The following TMEM204 variants were observed in gnomAD, a reference collection of about 807,000 sequenced individuals.
The protein encoded by TMEM204 is transmembrane protein 204.
TMEM204 carries 15 observed loss-of-function variants against 19.4 expected under a neutral mutation model. The observed-to-expected ratio is 0.77, with a 90% CI of 0.52 to 1.19. The LOEUF (loss-of-function observed/expected upper bound fraction) is 1.19. TMEM204 is among the 50% of genes most tolerant of loss of function. The pLI is 0.00. For synonymous variants in TMEM204, 161 were observed against 146.0 expected (o/e 1.10, Z -0.74); for missense variants, 287 against 321.2 (o/e 0.89, Z 0.81).
chr16:1,541,039 C>T (rs1282732532), intron 1 of TMEM204: 8 of 985,394 alleles, frequency 8.1e-6, no homozygotes, highest in Non-Finnish European at 9.6e-6. Context: ...GCTACAGAAA[C>T]GTGACGAGCC....
In TMEM204 at chr16:1,551,545, C is replaced by T. The variant is rs1041717915; in HGVS notation, c.437-3237C>T. Among the ~76,000 whole-genome samples, 5 of 152,144 alleles carry T rather than the reference C, an allele frequency of 3.3e-5. No individual in the cohort carries two copies. The highest frequency in any genetic ancestry group is 1.2e-4 in the African/African-American group (5 of 41,410). The stretch of plus-strand genomic sequence containing the variant: ...GGGGAGACAGGATGTGAGTTTCATA[C>T]AGATCAGGGTGCAGCGGTGGAGGGA... On this transcript the variant is annotated intron_variant, in intron 2 of 2. Coordinates refer to ENST00000566264, the MANE Select transcript of TMEM204 (RefSeq NM_024600.6). This position sits in a 1 kb window ranked among gnomAD's most constrained non-coding sequence, Gnocchi z 4.0.
intron 1 of TMEM204, among the ~76,000 whole-genome samples, chr16:1,535,870 G>A (rs1235534883): frequency 2.6e-5 from 4 of 152,236 alleles, no homozygotes; most frequent in African/African-American, 7.2e-5. Flanking sequence ...AGCTTCCACC[G>A]GCTCTCAGAA....
At chr16:1,549,418 T>C (rs2032451632) in intron 2 of TMEM204, among the ~76,000 whole-genome samples, 1 of 152,160 alleles carries the variant, frequency 6.6e-6, no homozygotes, top group African/African-American at 2.4e-5. Context: ...GCACCCCAGG[T>C]GCTTTTCTTT....
At chr16:1,542,734 G>A (rs1403593006) in intron 2 of TMEM204, among the ~76,000 whole-genome samples, 1 of 152,254 alleles carries the variant, frequency 6.6e-6, no homozygotes, top group Admixed American at 6.5e-5. Context: ...CTCGGACACT[G>A]ATGCAGACGG....
At chr16:1,548,700 C>T (rs2032379136) in intron 2 of TMEM204, among the ~76,000 whole-genome samples, 2 of 152,212 alleles carry the variant, frequency 1.3e-5, no homozygotes, top group African/African-American at 2.4e-5. Flanking sequence ...TGTCTCCTTC[C>T]ACCCCTTCCC....
chr16:1,549,439 T>G (rs1236166020), intron 2 of TMEM204, among the ~76,000 whole-genome samples: 1 of 152,242 alleles, frequency 6.6e-6, no homozygotes, highest in African/African-American at 2.4e-5. Context: ...CTTTCTTTGT[T>G]TTTTGAGACT....
At chr16:1,545,589 G>A (rs2032102612) in intron 2 of TMEM204, among the ~76,000 whole-genome samples, 1 of 152,228 alleles carries the variant, frequency 6.6e-6, no homozygotes, top group Non-Finnish European at 1.5e-5. Flanking sequence ...CCTGTCACAG[G>A]ACAAGGAAAC....
At chr16:1,534,668 C>T in intron 1 of TMEM204, 113 bp downstream of exon 1, 1 of 1,482,482 alleles carries the variant, frequency 6.7e-7, no homozygotes, top group Non-Finnish European at 9.2e-7. Context: ...CCTGCTCTGC[C>T]CTGAGCGTGG....
rs749527191 is a variant in TMEM204 at position 1,534,282 on chromosome 16, G to A, written c.7G>A (p.Val3Met). 34 of 1,611,842 alleles carry A rather than the reference G, an allele frequency of 2.1e-5. No homozygotes were observed. Among genetic ancestry groups the A allele is most frequent in the Non-Finnish European group, 2.3e-5 (27 of 1,179,810 alleles). Residue 3 changes from valine (V) to methionine (M), a missense_variant, in exon 1 of 3, where the codon GTG becomes ATG. Transcript: ENST00000566264. ...GGCGGCACCGGCGTCAGCGATGACC[G>A]TGCAGAGACTCGTGGCCGCGGCCGT... MT[V>M]QRLVAAAVLV...
At chr16:1,540,889 A>G (rs1454135577) in intron 1 of TMEM204, 1 of 985,336 alleles carries the variant, frequency 1.0e-6, no homozygotes, top group Non-Finnish European at 1.2e-6. Context: ...CTTCACATGC[A>G]GTCCCTGACT....
Position 1,553,917 on chromosome 16 carries a change from CT to C in TMEM204, c.437-862del, listed in dbSNP as rs2032881500. 2 of 1,282,562 alleles carry C rather than the reference CT, an allele frequency of 1.6e-6. No individual in the cohort carries two copies. The highest frequency in any genetic ancestry group is 4.6e-5 in the Admixed American group (2 of 43,192). 79.4% of individuals were successfully genotyped at this position (1,282,562 alleles called of 1,614,324 possible). ...TTCCTGTTGTAAGAACTAAAAAGGT[CT>C]TTGGAGCTCCTCAAAGATAAAACTG... On this transcript the variant is annotated intron_variant, in intron 2 of 2. Transcript: ENST00000566264. This position sits in a 1 kb window ranked among gnomAD's most constrained non-coding sequence, Gnocchi z 4.4.
At chr16:1,539,868 G>A (rs778221008) in intron 1 of TMEM204, among the ~76,000 whole-genome samples, 5 of 152,276 alleles carry the variant, frequency 3.3e-5, no homozygotes, top group African/African-American at 9.6e-5. Context: ...CGGGGACCCC[G>A]TGCCCCAGGG....
At chr16:1,554,707 G>A in intron 2 of TMEM204, 75 bp from the exon 3 acceptor site, 1 of 1,580,518 alleles carries the variant, frequency 6.3e-7, no homozygotes, top group Non-Finnish European at 8.6e-7. Flanking sequence ...ACCTGCTCTA[G>A]GACAGAGGGC....
At chr16:1,542,777 C>G (rs1294788892) in intron 2 of TMEM204, among the ~76,000 whole-genome samples, 1 of 152,246 alleles carries the variant, frequency 6.6e-6, no homozygotes, top group Non-Finnish European at 1.5e-5. Context: ...CTTCCCCAAG[C>G]CGCCATGTGA....
rs368161601 is a variant in TMEM204 at position 1,554,844 on chromosome 16, T to C, written c.499T>C (p.Trp167Arg). ...AATTGGCCCATACACCAACCTGTCC[T>C]GGTCCTGCTACCTGAACATTGGCGC... ...YRIGPYTNLS[W>R]SCYLNIGACL... Residue 167 changes from tryptophan (W) to arginine (R), a missense_variant, in exon 3 of 3, where the codon TGG becomes CGG. Trp to Arg is a moderately radical substitution (Grantham distance 101). Transcript: ENST00000566264. 6.2e-7 allele frequency: 1 copy of C among 1,614,124 alleles called. No homozygotes were observed. The highest frequency in any genetic ancestry group is 1.3e-5 in the African/African-American group (1 of 74,956).
chr16:1,549,421 TTTTC>T (rs925546400), intron 2 of TMEM204, among the ~76,000 whole-genome samples: 18 of 152,196 alleles, frequency 1.2e-4, no homozygotes, highest in East Asian at 5.8e-4. Flanking sequence ...CCCCAGGTGC[TTTTC>T]TTTCTTTCTT....
chr16:1,536,020 T>A (rs1350192242), intron 1 of TMEM204, among the ~76,000 whole-genome samples: 1 of 152,244 alleles, frequency 6.6e-6, no homozygotes, highest in African/African-American at 2.4e-5. Flanking sequence ...GGGCAGCGGC[T>A]TTAGGCCCCT....
chr16:1,542,590 T>TGCCTGGGGTCA (rs1001852989), intron 2 of TMEM204, among the ~76,000 whole-genome samples: 2 of 152,198 alleles, frequency 1.3e-5, no homozygotes, highest in Admixed American at 6.5e-5. Flanking sequence ...TCCTAGGACC[T>TGCCTGGGGTCA]GCCTGGGGTC....
Position 1,553,768 on chromosome 16 carries a change from G to A in TMEM204, c.437-1014G>A, listed in dbSNP as rs942081434. 1 of 1,176,348 alleles carries A rather than the reference G, an allele frequency of 8.5e-7. No homozygotes were observed. Among genetic ancestry groups the A allele is most frequent in the Non-Finnish European group, 1.1e-6 (1 of 935,300 alleles). 72.9% of individuals were successfully genotyped at this position (1,176,348 alleles called of 1,614,324 possible). On this transcript the variant is annotated intron_variant, in intron 2 of 2. Transcript: ENST00000566264. This position sits in a 1 kb window ranked among gnomAD's most constrained non-coding sequence, Gnocchi z 4.4. The stretch of plus-strand genomic sequence containing the variant: ...AGGGGATGAGGAGGGGCAGGGCCAT[G>A]TGGACAGCCTCTCCTCCATCCTAGA...
Sources: allele counts gnomAD v4.1 joint callset (sites outside exome capture counted in the v4.1 genomes callset), GRCh38; gene constraint gnomAD v4.1.1; non-coding constraint Gnocchi (gnomAD v3.1); transcripts MANE v1.5; gene names NCBI Gene and HGNC (gene_info 2026-07-23, HGNC 2026-07-21).